Variants in MTUS2 observed in about 807,000 individuals in gnomAD.
MTUS2 encodes microtubule-associated tumor suppressor candidate 2.
In MTUS2, 40 loss-of-function variants were observed where a neutral mutation model predicts 114.1. The observed-to-expected ratio is 0.35, with a 90% CI of 0.27 to 0.46. The LOEUF (loss-of-function observed/expected upper bound fraction) is 0.46. MTUS2 is among the 20% of genes least tolerant of loss of function. MTUS2 has a pLI of 1.00. For missense variants in MTUS2, 1,679 were observed against 1,705.4 expected (o/e 0.98, Z 0.27); for synonymous variants, 688 against 672.0 (o/e 1.02, Z -0.37).
Position 29,359,316 on chromosome 13 carries a change from AC to A in MTUS2, c.2963del (p.Pro988ArgfsTer14). The A allele has an allele frequency of 6.2e-7, 1 of 1,610,472 alleles. No homozygotes were observed. The highest frequency in any genetic ancestry group is 8.5e-7 in the Non-Finnish European group (1 of 1,178,554). ...AARNGFPPKPDPQAREAERQL... is the reference protein window; with the variant it reads ...AARNGFPPKPXPQAREAERQL... ...CGAAATGGGTTTCCGCCCAAGCCGG[AC>A]CCGCAGGCCCGTGAGGCTGAGCGGC... On this transcript the variant is annotated frameshift_variant, in exon 8 of 16. Coordinates refer to ENST00000612955, the MANE Select transcript of MTUS2 (RefSeq NM_001033602.4). LOFTEE classifies it high-confidence loss of function.
At chr13:29,238,273 C>T (rs184914597) in intron 5 of MTUS2, among the ~76,000 whole-genome samples, 18 of 152,274 alleles carry the variant, frequency 1.2e-4, no homozygotes, top group African/African-American at 3.6e-4. Context: ...TTAGGGTTCT[C>T]TAGAGGGACA....
At chr13:29,476,161 G>A (rs893579942) in intron 9 of MTUS2, among the ~76,000 whole-genome samples, 1 of 152,126 alleles carries the variant, frequency 6.6e-6, no homozygotes, top group African/African-American at 2.4e-5. Context: ...CTACAGGTTT[G>A]TAGCCTAGGA....
chr13:28,902,700 C>A (rs1453278427), intron 2 of MTUS2, among the ~76,000 whole-genome samples: 1 of 152,096 alleles, frequency 6.6e-6, no homozygotes, highest in Non-Finnish European at 1.5e-5. Flanking sequence ...TTTTTATACA[C>A]TGTTTGACTC....
chr13:29,437,520 C>G (rs1877500144), intron 8 of MTUS2, among the ~76,000 whole-genome samples: 1 of 152,202 alleles, frequency 6.6e-6, no homozygotes, highest in Admixed American at 6.5e-5. Flanking sequence ...TCATATTATA[C>G]TGCTGTTAGA....
chr13:29,331,141 A>G (rs923894461), intron 7 of MTUS2, among the ~76,000 whole-genome samples: 1 of 152,114 alleles, frequency 6.6e-6, no homozygotes, highest in Non-Finnish European at 1.5e-5. Context: ...CTCCTTGAAG[A>G]GGTCCTTCAC....
intron 9 of MTUS2, among the ~76,000 whole-genome samples, chr13:29,469,006 A>G (rs757306608): frequency 6.6e-6 from 1 of 152,214 alleles, no homozygotes; most frequent in Non-Finnish European, 1.5e-5. Flanking sequence ...GATGTAATAG[A>G]TACCCCTGCA....
intron 9 of MTUS2, among the ~76,000 whole-genome samples, chr13:29,448,827 C>A (rs1878476120): frequency 6.7e-6 from 1 of 148,530 alleles, no homozygotes; most frequent in South Asian, 2.1e-4. Context: ...GACCTCGGCT[C>A]ACTGCCACCT....
intron 5 of MTUS2, among the ~76,000 whole-genome samples, chr13:29,185,075 C>G (rs1200392933): frequency 6.6e-6 from 1 of 151,812 alleles, no homozygotes; most frequent in Non-Finnish European, 1.5e-5. Context: ...AAAAAAGATA[C>G]AAAAGTTTTT....
intron 2 of MTUS2, among the ~76,000 whole-genome samples, chr13:29,012,007 G>GT (rs1284152770): frequency 6.6e-6 from 1 of 152,188 alleles, no homozygotes; most frequent in East Asian, 1.9e-4. Flanking sequence ...CTTTTGAGCT[G>GT]TAAGTGAACC....
chr13:29,424,255 A>G (rs1358213467), intron 8 of MTUS2, among the ~76,000 whole-genome samples: 1 of 152,240 alleles, frequency 6.6e-6, no homozygotes, highest in Non-Finnish European at 1.5e-5. Context: ...GTTTGCAGTG[A>G]TAGATATCCT....
intron 5 of MTUS2, among the ~76,000 whole-genome samples, chr13:29,276,790 G>A (rs1329458584): frequency 1.3e-5 from 2 of 152,092 alleles, no homozygotes. Flanking sequence ...CCCAGCTACT[G>A]GGGAGGACGA....
chr13:28,900,319 T>G (rs185298166), intron 2 of MTUS2, among the ~76,000 whole-genome samples: 197 of 152,356 alleles, frequency 1.3e-3, no homozygotes, highest in African/African-American at 4.5e-3. Flanking sequence ...TGTATGTGTG[T>G]GTGTTCCATG....
chr13:29,491,571 A>T (rs889119393), intron 11 of MTUS2, among the ~76,000 whole-genome samples: 4 of 20,342 alleles, frequency 2.0e-4, no homozygotes, highest in South Asian at 1.7e-3. Context: ...TATGTGGGGG[A>T]GTGTGTGGGG....
At chr13:29,472,628 C>G (rs1426536035) in intron 9 of MTUS2, among the ~76,000 whole-genome samples, 2 of 152,172 alleles carry the variant, frequency 1.3e-5, no homozygotes, top group African/African-American at 4.8e-5. Context: ...TAAAGATGCT[C>G]ATAATATCTA....
At chr13:29,032,542 G>T (rs1886875741) in intron 3 of MTUS2, among the ~76,000 whole-genome samples, 2 of 152,206 alleles carry the variant, frequency 1.3e-5, no homozygotes, top group African/African-American at 4.8e-5. Flanking sequence ...AAATTTATCA[G>T]AGTGCAGATG....
At chr13:29,041,396 G>GT (rs1169836252) in intron 4 of MTUS2, among the ~76,000 whole-genome samples, 5 of 152,064 alleles carry the variant, frequency 3.3e-5, no homozygotes, top group African/African-American at 1.2e-4. Context: ...CTCCAGATTT[G>GT]TTCTTTTTGC....
At chr13:29,085,918 C>G (rs1889672769) in intron 4 of MTUS2, among the ~76,000 whole-genome samples, 2 of 152,160 alleles carry the variant, frequency 1.3e-5, no homozygotes, top group South Asian at 4.1e-4. Flanking sequence ...TAAGCATTCC[C>G]TTTCATCTTC....
chr13:29,502,898 C>T (rs1882999346), intron 15 of MTUS2, 95 bp from the exon 16 acceptor site: 1 of 1,273,098 alleles, frequency 7.9e-7, no homozygotes, highest in African/African-American at 1.5e-5. Flanking sequence ...CTGCGGTCAT[C>T]ATGGCCTCCT....
At chr13:29,099,880 A>C (rs1335739179) in intron 4 of MTUS2, among the ~76,000 whole-genome samples, 1 of 152,210 alleles carries the variant, frequency 6.6e-6, no homozygotes, top group East Asian at 1.9e-4. Context: ...TAATCATTGC[A>C]GTTGCTATTG....
Sources: allele counts gnomAD v4.1 joint callset (sites outside exome capture counted in the v4.1 genomes callset), GRCh38; gene constraint gnomAD v4.1.1; transcripts MANE v1.5; gene names NCBI Gene and HGNC (gene_info 2026-07-23, HGNC 2026-07-21).